Variants in SP3 observed in about 807,000 individuals in gnomAD.
The protein encoded by SP3 is Sp3 transcription factor, also known as transcription factor Sp3.
SP3 carries 10 observed loss-of-function variants against 70.3 expected under a neutral mutation model. The observed-to-expected ratio is 0.14, with a 90% confidence interval of 0.09 to 0.24. The LOEUF (loss-of-function observed/expected upper bound fraction) is 0.24. Ranked by LOEUF, SP3 falls within the 10% of genes least tolerant of loss-of-function variation. The pLI is 1.00. For synonymous variants in SP3, 402 were observed against 333.5 expected, an observed-to-expected ratio of 1.21 and a Z score of -2.24; for missense variants, 825 against 914.6, an observed-to-expected ratio of 0.90 and a Z score of 1.26.
At chr2:173,925,522 T>C (rs1689889149) in intron 4 of SP3, among the ~76,000 whole-genome samples, 1 of 152,226 alleles carries the variant, frequency 6.6e-6, no homozygotes, top group African/African-American at 2.4e-5. Flanking sequence ...TTAACATTAC[T>C]GAACTGTACA....
chr2:173,956,085 G>T lies in SP3; in HGVS notation c.427C>A (p.Leu143Ile), dbSNP rs200916894. 6.2e-7 allele frequency: 1 copy of T among 1,614,094 alleles called. No homozygotes were observed. Among genetic ancestry groups the T allele is most frequent in the Non-Finnish European group, 8.5e-7 (1 of 1,180,014 alleles). The change falls in exon 4 of 7, where the codon CTT becomes ATT. Residue 143 changes from leucine to isoleucine, a missense_variant. Around this residue, in one of 4 missense-constraint regions of SP3, gnomAD observed 678 missense variants for 651.6 expected, o/e 1.04. Coordinates refer to ENST00000310015, the MANE Select transcript of SP3 (RefSeq NM_003111.5). ...ATSSGQYVLP[L>I]QNLQNQQIFS... ...ATTTGTTGATTCTGCAAATTCTGAA[G>T]GGGAAGAACATACTGCCCACTTGAA...
intron 5 of SP3, chr2:173,914,807 G>C (rs1471349498): frequency 6.6e-6 from 1 of 152,134 alleles, no homozygotes; most frequent in African/African-American, 2.4e-5. Context: ...CAATGCCAAA[G>C]TCTTACTAAC....
At chr2:173,910,796 G>A (rs1689457151) in intron 6 of SP3, among the ~76,000 whole-genome samples, 2 of 152,160 alleles carry the variant, frequency 1.3e-5, no homozygotes, top group South Asian at 4.1e-4. Flanking sequence ...TAGCTGACTT[G>A]ACTTCAGCTA....
chr2:173,950,319 T>TAAA (rs59056112), intron 4 of SP3, among the ~76,000 whole-genome samples: 1 of 144,790 alleles, frequency 6.9e-6, no homozygotes, highest in African/African-American at 2.5e-5. Flanking sequence ...AGCCCTGGTT[T>TAAA]AAAAAAAAAA....
chr2:173,948,917 C>CA (rs934035896), intron 4 of SP3, among the ~76,000 whole-genome samples: 1 of 152,230 alleles, frequency 6.6e-6, no homozygotes, highest in Admixed American at 6.5e-5. Context: ...AACAGGAACT[C>CA]AGACATAACC....
chr2:173,950,428 C>T (rs999577404), intron 4 of SP3, among the ~76,000 whole-genome samples: 3 of 151,898 alleles, frequency 2.0e-5, no homozygotes, highest in African/African-American at 7.3e-5. Context: ...CCTATAATTC[C>T]AACACTTTGG....
rs1253553812 is a variant in SP3, at chr2:173,954,982, T to G, written c.1530A>C (p.Pro510=). ...VAAGGAFTST[P]VSLSTGQLPN... ...GCAACTGACCAGTGCTTAGACTAAC[T>G]GGAGTTGAAGTGAAGGCTCCACCTG... Residue 510 remains proline (P), a synonymous_variant, in exon 4 of 7, where the codon CCA becomes CCC. Transcript: ENST00000310015. 3 of 1,614,040 alleles carry G rather than the reference T, an allele frequency of 1.9e-6. No individual in the cohort carries two copies. Among genetic ancestry groups the G allele is most frequent in the Non-Finnish European group, 2.5e-6 (3 of 1,180,016 alleles).
intron 3 of SP3, among the ~76,000 whole-genome samples, chr2:173,957,589 A>T (rs1174470974): frequency 6.6e-6 from 1 of 152,182 alleles, no homozygotes; most frequent in African/African-American, 2.4e-5. Flanking sequence ...AGTAATGGGG[A>T]ACAGGACTAG....
At position 173,913,054 on chromosome 2, in the gene SP3, A is replaced by T; in HGVS notation, c.2029+16T>A. 2 of 1,532,774 alleles carry T rather than the reference A, an allele frequency of 1.3e-6. No homozygotes were observed. The highest frequency in any genetic ancestry group is 8.8e-7 in the Non-Finnish European group (1 of 1,133,824). 94.9% of individuals were successfully genotyped at this position (1,532,774 alleles called of 1,614,324 possible). A position where few individuals can be genotyped will look rare whatever the true frequency, so the allele number is the denominator to read the frequency against. ...CTATAATTCATTTTTGTCTGTTAAA[A>T]GTAAGTATTAGTAACCTGTATGTGT... On this transcript the variant is annotated intron_variant, in intron 6 of 6. Coordinates refer to ENST00000310015, the MANE Select transcript of SP3 (RefSeq NM_003111.5).
chr2:173,959,062 A>G (rs895037838), intron 3 of SP3, among the ~76,000 whole-genome samples: 1 of 152,192 alleles, frequency 6.6e-6, no homozygotes, highest in Non-Finnish European at 1.5e-5. Context: ...TTACTGAATG[A>G]AAAGTTATTT....
chr2:173,947,582 ACTT>A (rs1559104726), intron 4 of SP3, among the ~76,000 whole-genome samples: 4 of 152,216 alleles, frequency 2.6e-5, no homozygotes, highest in Admixed American at 2.0e-4. Flanking sequence ...TTTTTGTTTC[ACTT>A]CTTTTCTATA....
At chr2:173,918,552 T>C in intron 5 of SP3, 41 bp downstream of exon 5, 3 of 1,565,020 alleles carry the variant, frequency 1.9e-6, no homozygotes, top group Non-Finnish European at 2.6e-6. Flanking sequence ...AGAATGATAT[T>C]AGCACTCTTA....
intron 4 of SP3, among the ~76,000 whole-genome samples, chr2:173,919,932 C>T (rs1335679806): frequency 6.6e-6 from 1 of 151,992 alleles, no homozygotes; most frequent in African/African-American, 2.4e-5. Context: ...TTTGTAATCA[C>T]CCTAAACTAG....
chr2:173,917,930 T>C (rs1332757824), intron 5 of SP3, among the ~76,000 whole-genome samples: 1 of 152,060 alleles, frequency 6.6e-6, no homozygotes, highest in Non-Finnish European at 1.5e-5. Flanking sequence ...TCCCTCATCT[T>C]CAATATTCCT....
intron 5 of SP3, among the ~76,000 whole-genome samples, chr2:173,917,653 A>G (rs1689647339): frequency 6.6e-6 from 1 of 152,156 alleles, no homozygotes; most frequent in Non-Finnish European, 1.5e-5. Flanking sequence ...GTGCATTTCT[A>G]AGAAAGGTAT....
At chr2:173,911,794 C>T (rs1366323853) in intron 6 of SP3, among the ~76,000 whole-genome samples, 2 of 147,932 alleles carry the variant, frequency 1.4e-5, no homozygotes, top group Non-Finnish European at 3.0e-5. Flanking sequence ...CAGACTGCAA[C>T]GCAAAATCTT....
chr2:173,959,495 G>A (rs763314041), intron 3 of SP3, among the ~76,000 whole-genome samples: 1 of 152,202 alleles, frequency 6.6e-6, no homozygotes, highest in Non-Finnish European at 1.5e-5. Flanking sequence ...GGAGGCTGAG[G>A]CGGGCAGATC....
chr2:173,943,682 A>ATT (rs1300561340), intron 4 of SP3, among the ~76,000 whole-genome samples: 6 of 152,140 alleles, frequency 3.9e-5, no homozygotes, highest in African/African-American at 1.4e-4. Flanking sequence ...GTATTTGCTT[A>ATT]TTTGTCTTCA....
In SP3 at chr2:173,958,244, A is replaced by G. The variant is rs552446681; in HGVS notation, c.280-2012T>C. On this transcript the variant is annotated intron_variant, in intron 3 of 6. Coordinates refer to ENST00000310015, the MANE Select transcript of SP3 (RefSeq NM_003111.5). ...CCCTTTTCCTTTCTTTAAAAAAAACAAAGTCAAATTTACAGCACCTAAAGT... is the reference window on the plus strand; with the variant it reads ...CCCTTTTCCTTTCTTTAAAAAAAACGAAGTCAAATTTACAGCACCTAAAGT... Among the ~76,000 whole-genome samples the G allele has an allele frequency of 2.6e-5, 4 of 151,230 alleles. No homozygotes were observed. In the South Asian group the frequency reaches 8.3e-4, roughly 32 times the overall value.
Sources: gnomAD v4.1 joint callset for allele counts (sites outside exome capture counted in the v4.1 genomes callset) on GRCh38, gnomAD v4.1.1 for gene constraint, gnomAD v4.1.1 regional missense constraint, MANE v1.5 for transcripts, NCBI Gene and HGNC (gene_info 2026-07-23, HGNC 2026-07-21) for gene names.